The following ADGRV1 variants were observed in gnomAD, a reference collection of about 807,000 sequenced individuals.
ADGRV1 encodes the protein G-protein coupled receptor 98.
Under a neutral mutation model 596.2 loss-of-function variants are expected in ADGRV1, and 359 were observed. That is an observed-to-expected ratio of 0.60 (90% confidence interval 0.55 to 0.66). The LOEUF (loss-of-function observed/expected upper bound fraction) is 0.66. Among genes scored for constraint, ADGRV1 ranks in the 30% least tolerant of loss-of-function variants. The probability of loss-of-function intolerance (pLI) is 0.00; values close to 1 mark genes in which losing one functional copy is unlikely to be tolerated. For missense variants in ADGRV1, 7,274 were observed against 7,575.6 expected, an observed-to-expected ratio of 0.96 and a Z score of 1.48; for synonymous variants, 2,681 against 2,679.2, an observed-to-expected ratio of 1.00 and a Z score of -0.02.
chr5:90,598,988 C>CA (rs369478813), intron 1 of ADGRV1, among the ~76,000 whole-genome samples: 4 of 151,740 alleles, frequency 2.6e-5, no homozygotes, highest in African/African-American at 9.7e-5. Context: ...GCATTTAAAA[C>CA]AAAAAAACCC....
intron 80 of ADGRV1, 30 bp downstream of exon 80, chr5:90,853,563 T>C (rs372406608): frequency 1.1e-5 from 17 of 1,589,322 alleles, no homozygotes; most frequent in Non-Finnish European, 1.5e-5. Flanking sequence ...ACTTATGTGG[T>C]TGGAATCTGA....
chr5:90,913,355 A>G (rs1415299242), intron 83 of ADGRV1, among the ~76,000 whole-genome samples: 2 of 152,202 alleles, frequency 1.3e-5, no homozygotes, highest in African/African-American at 4.8e-5. Flanking sequence ...CTGAATTTCT[A>G]GACTTTTTAC....
intron 1 of ADGRV1, among the ~76,000 whole-genome samples, chr5:90,605,413 T>TAA (rs59423334): frequency 3.6e-4 from 49 of 137,430 alleles, no homozygotes; most frequent in Non-Finnish European, 6.9e-4. Context: ...GACTACGTCT[T>TAA]AAAAAAAAAA....
At chr5:90,794,306 G>T (rs1400124766) in intron 70 of ADGRV1, among the ~76,000 whole-genome samples, 2 of 152,214 alleles carry the variant, frequency 1.3e-5, no homozygotes, top group African/African-American at 4.8e-5. Flanking sequence ...AGTGTCAACT[G>T]TTAGCACCTG....
chr5:91,005,373 T>C (rs1476774967), intron 85 of ADGRV1, among the ~76,000 whole-genome samples: 2 of 146,826 alleles, frequency 1.4e-5, no homozygotes, highest in Non-Finnish European at 3.0e-5. Flanking sequence ...TGTATATATA[T>C]ATATATTTTT....
intron 20 of ADGRV1, chr5:90,655,934 C>A (rs576049635): frequency 2.6e-5 from 4 of 152,266 alleles, no homozygotes; most frequent in South Asian, 2.1e-4. Flanking sequence ...CGTATACACA[C>A]ACTGTATACA....
At chr5:91,131,336 T>TTG (rs1312701565) in intron 87 of ADGRV1, among the ~76,000 whole-genome samples, 1 of 152,192 alleles carries the variant, frequency 6.6e-6, no homozygotes. Flanking sequence ...TGGTTTTTAT[T>TTG]TGTGTCTCTG....
At chr5:91,099,933 G>A (rs779214625) in intron 86 of ADGRV1, among the ~76,000 whole-genome samples, 1 of 152,226 alleles carries the variant, frequency 6.6e-6, no homozygotes, top group Admixed American at 6.5e-5. Context: ...AGCAACAGCA[G>A]TGACCATACC....
intron 82 of ADGRV1, among the ~76,000 whole-genome samples, chr5:90,861,582 T>A (rs535508649): frequency 6.6e-6 from 1 of 152,224 alleles, no homozygotes; most frequent in Admixed American, 6.5e-5. Context: ...GTGCTGGGAT[T>A]ACAGGCCTGA....
At chr5:90,646,163 T>A in intron 16 of ADGRV1, 72 bp downstream of exon 16, 1 of 1,085,086 alleles carries the variant, frequency 9.2e-7, no homozygotes, top group Non-Finnish European at 1.2e-6. Context: ...TATATGCACG[T>A]GCATATATAC....
chr5:90,847,010 A>G (rs1230660750), intron 78 of ADGRV1, among the ~76,000 whole-genome samples: 1 of 152,210 alleles, frequency 6.6e-6, no homozygotes, highest in Non-Finnish European at 1.5e-5. Context: ...AGCTAGACAC[A>G]GAGTGCTGAT....
rs76705432 is a variant in ADGRV1 at position 91,085,683 on chromosome 5, G to A, written c.18310+13079G>A. On this transcript the variant is annotated intron_variant, in intron 86 of 89. Coordinates refer to ENST00000405460, the MANE Select transcript of ADGRV1 (RefSeq NM_032119.4). ...CCTTTCATCTGTTTTTCCTACTCTT[G>A]GAACTTGTTTCATTGAATTTTCCAC... 4.9e-3 allele frequency among the ~76,000 whole-genome samples: 738 copies of A among 152,120 alleles called. 5 individuals are homozygous for A. Among genetic ancestry groups the A allele is most frequent in the African/African-American group, 0.017 (711 of 41,508 alleles).
intron 87 of ADGRV1, among the ~76,000 whole-genome samples, chr5:91,148,005 A>G (rs1795701127): frequency 6.6e-6 from 1 of 152,202 alleles, no homozygotes; most frequent in Non-Finnish European, 1.5e-5. Flanking sequence ...ATGCTTTAAC[A>G]AAAAGACTGG....
At chr5:90,793,440 A>G (rs925119585) in intron 70 of ADGRV1, among the ~76,000 whole-genome samples, 2 of 152,194 alleles carry the variant, frequency 1.3e-5, no homozygotes, top group African/African-American at 4.8e-5. Context: ...GTAAGTTTTC[A>G]TTTGACAATA....
At chr5:90,815,361 A>G (rs1477668492) in intron 74 of ADGRV1, among the ~76,000 whole-genome samples, 3 of 152,214 alleles carry the variant, frequency 2.0e-5, no homozygotes, top group Admixed American at 1.3e-4. Flanking sequence ...ATCTTAATAG[A>G]AAAATGAATA....
chr5:90,648,235 A>G (rs1026295604), intron 17 of ADGRV1, among the ~76,000 whole-genome samples: 1 of 152,180 alleles, frequency 6.6e-6, no homozygotes, highest in Non-Finnish European at 1.5e-5. Flanking sequence ...ATGAATGACA[A>G]TCTGCAAGTG....
intron 85 of ADGRV1, among the ~76,000 whole-genome samples, chr5:91,011,181 G>A (rs563381858): frequency 6.6e-6 from 1 of 151,876 alleles, no homozygotes; most frequent in East Asian, 1.9e-4. Context: ...AAAATGTTGA[G>A]GACATAAAAA....
At position 90,709,513 on chromosome 5, in the gene ADGRV1, T is replaced by A. The variant is rs116827562; in HGVS notation, c.8824+604T>A. On this transcript the variant is annotated intron_variant, in intron 39 of 89. Coordinates refer to ENST00000405460, the MANE Select transcript of ADGRV1 (RefSeq NM_032119.4). ...GGAAATTTTGTCTGAAGCCTGTAGG[T>A]GTGATGGCCCACTAGAGGGTGGTGC... is the stretch of plus-strand genomic sequence containing the variant. Among the ~76,000 whole-genome samples the A allele has an allele frequency of 5.2e-3, 787 of 152,224 alleles. 6 individuals carry two copies. The highest frequency in any genetic ancestry group is 0.018 in the African/African-American group (746 of 41,534).
chr5:90,681,358 CT>C lies in ADGRV1; in HGVS notation c.5569del (p.Ser1857LeufsTer31). On this transcript the variant is annotated frameshift_variant, in exon 27 of 90. Coordinates refer to ENST00000405460, the MANE Select transcript of ADGRV1 (RefSeq NM_032119.4). LOFTEE classifies it high-confidence loss of function. ...CCCAAATTCTAGTGACAATTGCAGC[CT>C]CTGACCACGCTCATGGCGTATTTGA... The part of the protein sequence containing the change: ...ASQILVTIAA[S>X]DHAHGVFEFS... 1 of 1,613,866 alleles carries C rather than the reference CT, an allele frequency of 6.2e-7. No individual in the cohort carries two copies. Among genetic ancestry groups the C allele is most frequent in the South Asian group, 1.1e-5 (1 of 91,076 alleles).
Sources: allele counts gnomAD v4.1 joint callset (sites outside exome capture counted in the v4.1 genomes callset), GRCh38; gene constraint gnomAD v4.1.1; transcripts MANE v1.5; gene names NCBI Gene and HGNC (gene_info 2026-07-23, HGNC 2026-07-21).